The following ADAP1 variants were observed in gnomAD, a reference collection of about 807,000 sequenced individuals.
The protein encoded by ADAP1 is ArfGAP with dual PH domains 1, also known as arf-GAP with dual PH domain-containing protein 1.
A neutral mutation model predicts 54.9 loss-of-function variants in ADAP1; 31 were observed. The observed-to-expected ratio is 0.56, with a 90% CI of 0.42 to 0.76. The LOEUF (loss-of-function observed/expected upper bound fraction) is 0.76. Among genes scored for constraint, ADAP1 ranks in the 30% least tolerant of loss-of-function variants. The pLI is 0.00. For synonymous variants in ADAP1, 313 were observed against 202.6 expected, an observed-to-expected ratio of 1.55 and a Z score of -4.63; for missense variants, 535 against 512.4, an observed-to-expected ratio of 1.04 and a Z score of -0.42.
Position 954,489 on chromosome 7 carries a change from G to A in ADAP1, c.-12C>T, listed in dbSNP as rs1157747469. ...CGCTCCTTGGCCATGGCCGCGATGC[G>A]CCCGCGATGCCGATGCCGGGGCCGG... On this transcript the variant is annotated 5_prime_UTR_variant, in exon 1 of 11. Transcript: ENST00000265846. The A allele has an allele frequency of 9.2e-5, 94 of 1,020,260 alleles. No individual in the cohort carries two copies. The highest frequency in any genetic ancestry group is 1.1e-4 in the Non-Finnish European group (93 of 854,786). 63.2% of individuals were successfully genotyped at this position (1,020,260 alleles called of 1,614,324 possible).
At chr7:927,304 T>C (rs1846423875) in intron 2 of ADAP1, 3 of 1,181,126 alleles carry the variant, frequency 2.5e-6, no homozygotes, top group South Asian at 2.9e-5. Context: ...ACTGTGCTCC[T>C]GGCAGGCGCA....
chr7:944,496 C>T (rs999875119), intron 1 of ADAP1, among the ~76,000 whole-genome samples: 44 of 152,182 alleles, frequency 2.9e-4, no homozygotes, highest in African/African-American at 9.6e-4. Flanking sequence ...TCAGGTGATC[C>T]GCCCACCTCG....
intron 2 of ADAP1, chr7:927,534 C>A (rs1045443517): frequency 2.1e-6 from 1 of 469,702 alleles, no homozygotes; most frequent in East Asian, 7.0e-5. Flanking sequence ...GACTGAAGTC[C>A]CCTGACATCA....
Position 920,918 on chromosome 7 carries a change from G to C in ADAP1, c.306-868C>G. ...GCAAAGAACAAATAGGAACCCTGTG[G>C]CTTCCTGCTGGGCCCACGTGAACAG... On this transcript the variant is annotated intron_variant, in intron 3 of 10. Transcript: ENST00000265846. The surrounding 1 kb of genome is among the most constrained non-coding windows in gnomAD (Gnocchi z 4.5). 6.6e-7 allele frequency: 1 copy of C among 1,522,426 alleles called. No individual in the cohort carries two copies. Among genetic ancestry groups the C allele is most frequent in the Non-Finnish European group, 8.9e-7 (1 of 1,123,952 alleles). The allele number at this position is 1,522,426 out of a possible 1,614,324, so 94.3% of individuals were successfully genotyped here. A position where few individuals can be genotyped will look rare whatever the true frequency, so the allele number is the denominator to read the frequency against.
intron 1 of ADAP1, among the ~76,000 whole-genome samples, chr7:949,677 G>T (rs1164543060): frequency 6.6e-6 from 1 of 152,210 alleles, no homozygotes; most frequent in Non-Finnish European, 1.5e-5. Context: ...GCCCAGTCTA[G>T]GCTGAAGTTG....
rs937627190 is a variant in ADAP1 at position 898,439 on chromosome 7, C to T, written c.*482G>A. ...CCCCACGGCCCTCATAGCCCCGTGA[C>T]ACACAACAGGCGCTCAATAAATAGT... On this transcript the variant is annotated 3_prime_UTR_variant, in exon 11 of 11. Transcript: ENST00000265846. 1.8e-5 allele frequency: 4 copies of T among 216,776 alleles called. No individual in the cohort carries two copies. The highest frequency in any genetic ancestry group is 3.8e-5 in the Non-Finnish European group (4 of 106,322). The allele number at this position is 216,776 out of a possible 1,614,324, so 13.4% of individuals were successfully genotyped here.
rs753876268 is a variant in ADAP1 at position 926,864 on chromosome 7, G to T, written c.214-220C>A. The T allele has an allele frequency of 4.7e-6, 4 of 858,722 alleles. No homozygotes were observed. The highest frequency in any genetic ancestry group is 6.7e-6 in the Non-Finnish European group (4 of 594,562). 53.2% of individuals were successfully genotyped at this position (858,722 alleles called of 1,614,324 possible). On this transcript the variant is annotated intron_variant, in intron 2 of 10. Coordinates refer to ENST00000265846, the MANE Select transcript of ADAP1 (RefSeq NM_006869.4). This position sits in a 1 kb window ranked among gnomAD's most constrained non-coding sequence, Gnocchi z 4.6. ...CAGGGAAGGAGCCAGCGTCCCTAAC[G>T]ACGGGGTCCCGGCAAAGGGGGCCCA...
chr7:929,953 A>G (rs529036780), intron 2 of ADAP1, among the ~76,000 whole-genome samples: 3 of 151,730 alleles, frequency 2.0e-5, no homozygotes, highest in Admixed American at 1.3e-4. Flanking sequence ...AAAATACAAA[A>G]ATTAGCCAGG....
At chr7:954,165 T>G (rs934414058) in intron 1 of ADAP1, among the ~76,000 whole-genome samples, 1 of 149,166 alleles carries the variant, frequency 6.7e-6, no homozygotes, top group African/African-American at 2.5e-5. Context: ...TTTCCGGGGG[T>G]CCTGGGGGGG....
At chr7:930,101 CAAAAAAAAAAAAAA>C (rs1170304660) in intron 2 of ADAP1, among the ~76,000 whole-genome samples, 1 of 33,278 alleles carries the variant, frequency 3.0e-5, no homozygotes, top group African/African-American at 1.3e-4. Context: ...AAGACTGTCT[CAAAAAAAAAAAAAA>C]AAAAAAAAAA....
In ADAP1 at chr7:938,036, T is replaced by C. The variant is rs904136313; in HGVS notation, c.83-2531A>G. On this transcript the variant is annotated intron_variant, in intron 1 of 10. Coordinates refer to ENST00000265846, the MANE Select transcript of ADAP1 (RefSeq NM_006869.4). This position sits in a 1 kb window ranked among gnomAD's most constrained non-coding sequence, Gnocchi z 4.4. ...CACAGGCTTTCTCCTCACCCCTCAG[T>C]CAGTCAAACATTTGCCCAAGTGACC... Among the ~76,000 whole-genome samples, 4 of 152,198 alleles carry C rather than the reference T, an allele frequency of 2.6e-5. No homozygotes were observed. The highest frequency in any genetic ancestry group is 2.6e-4 in the Admixed American group (4 of 15,280).
chr7:912,787 G>A (rs147422603), intron 4 of ADAP1, among the ~76,000 whole-genome samples: 4,283 of 151,690 alleles, frequency 0.028, 289 homozygotes, highest in East Asian at 0.27. Context: ...TGCAACCTCC[G>A]CTTCCCAGGT....
In ADAP1 at chr7:920,914, T is replaced by C. The variant is rs1675924026; in HGVS notation, c.306-864A>G. On this transcript the variant is annotated intron_variant, in intron 3 of 10. Coordinates refer to ENST00000265846, the MANE Select transcript of ADAP1 (RefSeq NM_006869.4). The surrounding 1 kb of genome is among the most constrained non-coding windows in gnomAD (Gnocchi z 4.5). ...CGCGGCAAAGAACAAATAGGAACCC[T>C]GTGGCTTCCTGCTGGGCCCACGTGA... 6.6e-7 allele frequency: 1 copy of C among 1,523,184 alleles called. No homozygotes were observed. Among genetic ancestry groups the C allele is most frequent in the Non-Finnish European group, 8.9e-7 (1 of 1,124,258 alleles). 94.4% of individuals were successfully genotyped at this position (1,523,184 alleles called of 1,614,324 possible).
At chr7:923,869 C>T (rs1361335863) in intron 3 of ADAP1, among the ~76,000 whole-genome samples, 5 of 152,160 alleles carry the variant, frequency 3.3e-5, no homozygotes, top group Non-Finnish European at 5.9e-5. Context: ...GCCGTGGGCA[C>T]CAGCGCTGCT....
Position 954,446 on chromosome 7 carries a change from TC to T in ADAP1, c.31del (p.Glu11SerfsTer32). 2 of 1,116,666 alleles carry T rather than the reference TC, an allele frequency of 1.8e-6. No individual in the cohort carries two copies. The highest frequency in any genetic ancestry group is 2.2e-6 in the Non-Finnish European group (2 of 906,134). The allele number at this position is 1,116,666 out of a possible 1,614,324, so 69.2% of individuals were successfully genotyped here. MAKERRRAVL[E>X]LLQRPGNARC... ...CGCGTTCCCCGGCCGCTGCAGCAGC[TC>T]CAGGACCGCCCTGCGCCGCTCCTTG... On this transcript the variant is annotated frameshift_variant, in exon 1 of 11. Coordinates refer to ENST00000265846, the MANE Select transcript of ADAP1 (RefSeq NM_006869.4). LOFTEE classifies it high-confidence loss of function.
intron 4 of ADAP1, among the ~76,000 whole-genome samples, chr7:906,742 T>A (rs187202328): frequency 1.8e-4 from 5 of 28,286 alleles, no homozygotes; most frequent in African/African-American, 5.7e-4. Flanking sequence ...GGGGACAGAG[T>A]ACATAGGGGA....
chr7:905,635 G>GAGAAAGGAGAAAGGAGAAAGGAGAAAGGA (rs370672323), intron 4 of ADAP1: 3 of 29,342 alleles, frequency 1.0e-4, no homozygotes, highest in African/African-American at 6.0e-4. Context: ...AAGGAGAAAG[G>GAGAAAGGAGAAAGGAGAAAGGAGAAAGGA]GAAAGGAGAA....
At position 954,406 on chromosome 7, in the gene ADAP1, G is replaced by A. The variant is rs1384874807; in HGVS notation, c.72C>T (p.Cys24=). The A allele has an allele frequency of 6.3e-6, 7 of 1,116,512 alleles. No individual in the cohort carries two copies. Among genetic ancestry groups the A allele is most frequent in the South Asian group, 2.0e-5 (1 of 49,072 alleles). The allele number at this position is 1,116,512 out of a possible 1,614,324, so 69.2% of individuals were successfully genotyped here. The change falls in exon 1 of 11, where the codon TGC becomes TGT. Residue 24 remains cysteine (C), a synonymous_variant. Coordinates refer to ENST00000265846, the MANE Select transcript of ADAP1 (RefSeq NM_006869.4). ...CCGGCCCACACCTACCCGGGGCGCC[G>A]CAGTCCGCGCAGCGCGCGTTCCCCG... ...QRPGNARCAD[C]GAPDPDWASY...
chr7:910,367 G>A (rs891659266), intron 4 of ADAP1, among the ~76,000 whole-genome samples: 2 of 151,746 alleles, frequency 1.3e-5, no homozygotes, highest in African/African-American at 2.4e-5. Context: ...CTCCAGCCTT[G>A]GCCTCCCGAG....
Sources: gnomAD v4.1 joint callset for allele counts (sites outside exome capture counted in the v4.1 genomes callset) on GRCh38, gnomAD v4.1.1 for gene constraint, Gnocchi (gnomAD v3.1) non-coding constraint, MANE v1.5 for transcripts, NCBI Gene and HGNC (gene_info 2026-07-23, HGNC 2026-07-21) for gene names.